Variants in MYO9B observed in about 807,000 individuals in gnomAD.
MYO9B encodes myosin IXB, also known as unconventional myosin-IXb.
Under a neutral mutation model 229.5 loss-of-function variants are expected in MYO9B, and 71 were observed. That is an observed-to-expected ratio of 0.31 (90% CI 0.26 to 0.38). The LOEUF (loss-of-function observed/expected upper bound fraction) is 0.38. MYO9B is among the 10% of genes least tolerant of loss of function. MYO9B has a pLI of 1.00. For synonymous variants in MYO9B, 1,185 were observed against 1,235.8 expected (o/e 0.96, Z 0.86); for missense variants, 2,255 against 2,920.5 (o/e 0.77, Z 5.25).
chr19:17,102,717 A>G (rs2057757055), intron 2 of MYO9B, among the ~76,000 whole-genome samples, 160 bp downstream of exon 2: 1 of 150,776 alleles, frequency 6.6e-6, no homozygotes, highest in South Asian at 2.1e-4. Flanking sequence ...CCTGGGCAAC[A>G]TAGCAAGATC....
At chr19:17,180,397 G>A (rs1266911284) in intron 14 of MYO9B, among the ~76,000 whole-genome samples, 1 of 130,644 alleles carries the variant, frequency 7.7e-6, no homozygotes, top group Non-Finnish European at 1.6e-5. Context: ...CTCCCAGGCT[G>A]GAGTGCAATG....
chr19:17,209,126 C>T (rs2073196703), intron 35 of MYO9B, among the ~76,000 whole-genome samples: 1 of 152,126 alleles, frequency 6.6e-6, no homozygotes, highest in Non-Finnish European at 1.5e-5. Context: ...CAATAATGAC[C>T]ACTCCAAGCT....
Position 17,162,962 on chromosome 19 carries a change from G to A in MYO9B, c.1537-26G>A, listed in dbSNP as rs1293648529. On this transcript the variant is annotated intron_variant, in intron 9 of 39. Transcript: ENST00000682292. Reference sequence around the variant, plus strand: ...CTCCCTCGGGGTGCACCTGCGGGCAGTGACCATTTTCTCTGTCTCTCCCAG... The same window carrying A: ...CTCCCTCGGGGTGCACCTGCGGGCAATGACCATTTTCTCTGTCTCTCCCAG... The A allele has an allele frequency of 2.5e-6, 4 of 1,603,478 alleles. No individual in the cohort carries two copies. In the Admixed American group the frequency reaches 6.8e-5, roughly 27 times the overall value.
intron 1 of MYO9B, among the ~76,000 whole-genome samples, chr19:17,080,410 C>T (rs1031773852): frequency 1.3e-5 from 2 of 152,142 alleles, no homozygotes; most frequent in Non-Finnish European, 2.9e-5. Context: ...ATCTGTTCCA[C>T]GCCTCTCTCT....
Position 17,206,053 on chromosome 19 carries a change from C to G in MYO9B, c.5158C>G (p.Leu1720Val). 1 of 1,610,852 alleles carries G rather than the reference C, an allele frequency of 6.2e-7. No individual in the cohort carries two copies. The highest frequency in any genetic ancestry group is 8.5e-7 in the Non-Finnish European group (1 of 1,178,050). The change falls in exon 32 of 40, where the codon CTG becomes GTG. Residue 1720 changes from leucine (L) to valine (V), a missense_variant. Leu to Val is a conservative substitution (Grantham distance 32). Coordinates refer to ENST00000682292, the MANE Select transcript of MYO9B (RefSeq NM_004145.4). ...ASVPIVLEKL[L>V]EHVEMHGLYT... The stretch of plus-strand genomic sequence containing the variant: ...GGTGCCCATCGTGCTGGAGAAGCTC[C>G]TGGAACACGTGGAGATGCACGGCCT...
At chr19:17,122,173 G>T (rs920508257) in intron 2 of MYO9B, among the ~76,000 whole-genome samples, 1 of 152,106 alleles carries the variant, frequency 6.6e-6, no homozygotes, top group Admixed American at 6.6e-5. Context: ...ATGCAAATAC[G>T]GTGCAAGCTG....
Position 17,117,953 on chromosome 19 carries a change from A to G in MYO9B, c.840+15396A>G, listed in dbSNP as rs566557048. On this transcript the variant is annotated intron_variant, in intron 2 of 39. Coordinates refer to ENST00000682292, the MANE Select transcript of MYO9B (RefSeq NM_004145.4). The stretch of plus-strand genomic sequence containing the variant: ...ACTCTTCCTCAAAAAAAAAAAAAAA[A>G]AAAAGAAAAGACATATACAGGATTC... Among the ~76,000 whole-genome samples the G allele has an allele frequency of 7.9e-3, 1,194 of 151,436 alleles. 24 individuals are homozygous for G. The highest frequency in any genetic ancestry group is 0.024 in the African/African-American group (986 of 41,210).
chr19:17,165,294 G>A (rs1045451366), intron 10 of MYO9B, among the ~76,000 whole-genome samples: 1 of 151,808 alleles, frequency 6.6e-6, no homozygotes, highest in African/African-American at 2.4e-5. Flanking sequence ...CCAAGAGGTC[G>A]AGGCTGCAAT....
At chr19:17,100,860 T>C (rs16981622) in intron 1 of MYO9B, among the ~76,000 whole-genome samples, 7,307 of 152,034 alleles carry the variant, frequency 0.048, 208 homozygotes, top group Non-Finnish European at 0.068. Flanking sequence ...TCAAGGACCC[T>C]GGAGTTTTGG....
intron 26 of MYO9B, among the ~76,000 whole-genome samples, chr19:17,201,250 A>G (rs1197578426): frequency 1.3e-5 from 2 of 151,280 alleles, no homozygotes; most frequent in African/African-American, 4.9e-5. Context: ...ATAATAATGC[A>G]TATTTGGTCT....
intron 6 of MYO9B, among the ~76,000 whole-genome samples, chr19:17,156,610 A>G (rs1421829425): frequency 6.6e-6 from 1 of 152,142 alleles, no homozygotes; most frequent in Non-Finnish European, 1.5e-5. Context: ...CCAGCTACTC[A>G]GGAGGCTGAG....
chr19:17,154,457 A>C (rs1170942128), intron 6 of MYO9B, 42 bp downstream of exon 6: 1 of 1,492,688 alleles, frequency 6.7e-7, no homozygotes, highest in Non-Finnish European at 9.2e-7. Flanking sequence ...CAGAGCCTAC[A>C]GGGGGCACGC....
At chr19:17,110,121 C>T (rs1435136510) in intron 2 of MYO9B, among the ~76,000 whole-genome samples, 1 of 152,104 alleles carries the variant, frequency 6.6e-6, no homozygotes, top group Non-Finnish European at 1.5e-5. Flanking sequence ...TTCTCAGCTC[C>T]CCGAAAGGAG....
chr19:17,165,566 C>A (rs982361448), intron 10 of MYO9B, among the ~76,000 whole-genome samples: 3 of 151,596 alleles, frequency 2.0e-5, no homozygotes, highest in Admixed American at 2.0e-4. Flanking sequence ...CAGAGTAAGA[C>A]CCTGTCTCTA....
intron 4 of MYO9B, 167 bp downstream of exon 4, chr19:17,152,873 G>A (rs984570852): frequency 3.6e-5 from 22 of 607,772 alleles, no homozygotes; most frequent in African/African-American, 5.6e-5. Flanking sequence ...CCCCAGACCT[G>A]CCCCTGTGGC....
chr19:17,178,389 G>A (rs1276924115), intron 14 of MYO9B: 1 of 152,032 alleles, frequency 6.6e-6, no homozygotes, highest in Admixed American at 6.6e-5. Flanking sequence ...GATCACTTGA[G>A]GCCAGGAGTT....
Position 17,163,646 on chromosome 19 carries a change from G to A in MYO9B, c.1671+524G>A, listed in dbSNP as rs543966900. 2.6e-5 allele frequency among the ~76,000 whole-genome samples: 4 copies of A among 152,224 alleles called. No individual in the cohort carries two copies. The East Asian group carries it at 7.7e-4, about 29-fold the overall frequency. On this transcript the variant is annotated intron_variant, in intron 10 of 39. Coordinates refer to ENST00000682292, the MANE Select transcript of MYO9B (RefSeq NM_004145.4). ...GTCTCCCAAAGTGTTGGGATTACAG[G>A]TGTAAGCCACCATGCCTGGCCCATT... is the stretch of plus-strand genomic sequence containing the variant.
chr19:17,129,019 G>A (rs2072160379), intron 2 of MYO9B, among the ~76,000 whole-genome samples: 1 of 152,214 alleles, frequency 6.6e-6, no homozygotes, highest in South Asian at 2.1e-4. Context: ...GACGGGACAG[G>A]GGAGATCAGA....
intron 2 of MYO9B, among the ~76,000 whole-genome samples, chr19:17,134,171 A>G (rs1356411127): frequency 1.3e-5 from 2 of 151,916 alleles, no homozygotes; most frequent in Non-Finnish European, 2.9e-5. Context: ...CCATCACTCA[A>G]ATAGTGAACA....
Sources: gnomAD v4.1 joint callset for allele counts (sites outside exome capture counted in the v4.1 genomes callset) on GRCh38, gnomAD v4.1.1 for gene constraint, MANE v1.5 for transcripts, NCBI Gene and HGNC (gene_info 2026-07-23, HGNC 2026-07-21) for gene names.